Variants in ATP7B observed in about 807,000 individuals in gnomAD.
ATP7B encodes copper-transporting ATPase 2.
In ATP7B, 113 loss-of-function variants were observed where a neutral mutation model predicts 118.9. The observed-to-expected ratio is 0.95, with a 90% confidence interval of 0.82 to 1.11. ATP7B has a LOEUF of 1.11. Among genes scored for constraint, ATP7B ranks in the 50% most tolerant of loss-of-function variants. ATP7B has a pLI of 0.00. For missense variants in ATP7B, 1,867 were observed against 1,871.4 expected (o/e 1.00, Z 0.04); for synonymous variants, 777 against 727.4 (o/e 1.07, Z -1.10).
chr13:51,966,652 TG>T, intron 4 of ATP7B: 1 of 1,036,196 alleles, frequency 9.7e-7, no homozygotes, highest in Non-Finnish European at 1.4e-6. Context: ...TGATACAGCA[TG>T]GTTTTTTTAA....
chr13:51,966,667 A>C (rs1593758974), intron 4 of ATP7B: 3 of 1,231,244 alleles, frequency 2.4e-6, no homozygotes, highest in African/African-American at 1.5e-5. Context: ...TTTTTAAAAA[A>C]AGAACACTAC....
chr13:51,942,274 A>G, intron 15 of ATP7B, 112 bp downstream of exon 15: 1 of 1,530,382 alleles, frequency 6.5e-7, no homozygotes, highest in Non-Finnish European at 8.9e-7. Flanking sequence ...TGGGTGCCTT[A>G]GCCATGAACC....
chr13:51,945,746 G>A (rs1957604934), intron 13 of ATP7B, among the ~76,000 whole-genome samples: 1 of 152,212 alleles, frequency 6.6e-6, no homozygotes, highest in Non-Finnish European at 1.5e-5. Flanking sequence ...ACCCAGTGCA[G>A]GGCTCACACG....
intron 9 of ATP7B, 73 bp from the exon 10 acceptor site, chr13:51,950,472 AC>A (rs1957929321): frequency 6.3e-7 from 1 of 1,595,418 alleles, no homozygotes; most frequent in Admixed American, 1.7e-5. Flanking sequence ...GCCAGCTGTT[AC>A]AATAGTTACA....
intron 1 of ATP7B, among the ~76,000 whole-genome samples, chr13:51,991,073 C>T (rs533282880): frequency 6.6e-6 from 1 of 151,228 alleles, no homozygotes; most frequent in Non-Finnish European, 1.5e-5. Flanking sequence ...GGCGACGGAG[C>T]GAGACTCTGT....
Position 51,958,364 on chromosome 13 carries a change from G to C in ATP7B, c.2302C>G (p.Pro768Ala). The change falls in exon 8 of 21, where the codon CCC (proline) becomes GCC (alanine). Residue 768 changes from proline to alanine, a missense_variant. Physicochemically the swap from Pro to Ala is conservative, Grantham distance 27. Coordinates refer to ENST00000242839, the MANE Select transcript of ATP7B (RefSeq NM_000053.4). ...AGGGCAATGAACACAAAGAGCATGGGGGGCGTGTCGAAGAATGTCACAGGG... is the reference window on the plus strand; with the variant it reads ...AGGGCAATGAACACAAAGAGCATGGCGGGCGTGTCGAAGAATGTCACAGGG... ...RSPVTFFDTP[P>A]MLFVFIALGR... 1 of 1,614,220 alleles carries C rather than the reference G, an allele frequency of 6.2e-7. No homozygotes were observed. The highest frequency in any genetic ancestry group is 8.5e-7 in the Non-Finnish European group (1 of 1,180,040).
Position 51,956,260 on chromosome 13 carries a change from C to T in ATP7B, c.2447+1256G>A, listed in dbSNP as rs1296110067. On this transcript the variant is annotated intron_variant, in intron 9 of 20. Coordinates refer to ENST00000242839, the MANE Select transcript of ATP7B (RefSeq NM_000053.4). ...GGTCAGTTCCTCTACTCACCTGGGG[C>T]GTGCCCAGGGCCAGCTGCACCAGCC... is the stretch of plus-strand genomic sequence containing the variant. 3.3e-5 allele frequency among the ~76,000 whole-genome samples: 5 copies of T among 152,044 alleles called. No individual in the cohort carries two copies. In the South Asian group the frequency reaches 8.3e-4, roughly 25 times the overall value.
chr13:51,996,159 T>C (rs1953196198), intron 1 of ATP7B, among the ~76,000 whole-genome samples: 1 of 152,218 alleles, frequency 6.6e-6, no homozygotes, highest in Non-Finnish European at 1.5e-5. Flanking sequence ...AAGTTCCATG[T>C]TTCCTGTAGC....
Position 51,974,925 on chromosome 13 carries a change from T to C in ATP7B, c.295A>G (p.Thr99Ala). ...ACAACCGATGGCACATATTTCACAG[T>C]GGCACTGCCTTGTTCCAGGGAAACC... Reference protein sequence around the residue: ...MKVSLEQGSATVKYVPSVVCL... With the variant: ...MKVSLEQGSAAVKYVPSVVCL... The change falls in exon 2 of 21, where the codon ACT (threonine) becomes GCT (alanine). Residue 99 changes from threonine to alanine, a missense_variant. By Grantham distance (58) the Thr-to-Ala change is moderately conservative. Coordinates refer to ENST00000242839, the MANE Select transcript of ATP7B (RefSeq NM_000053.4). The C allele has an allele frequency of 1.2e-6, 2 of 1,614,230 alleles. No homozygotes were observed. Among genetic ancestry groups the C allele is most frequent in the Non-Finnish European group, 1.7e-6 (2 of 1,180,036 alleles).
intron 5 of ATP7B, among the ~76,000 whole-genome samples, chr13:51,964,124 C>A (rs1958939114): frequency 6.6e-6 from 1 of 152,044 alleles, no homozygotes; most frequent in Non-Finnish European, 1.5e-5. Context: ...CACACACACA[C>A]ACACACACAC....
chr13:51,941,278 A>G (rs1374234229), intron 15 of ATP7B, 54 bp from the exon 16 acceptor site: 4 of 1,598,946 alleles, frequency 2.5e-6, no homozygotes, highest in South Asian at 1.1e-5. Flanking sequence ...ACTGTGAACT[A>G]AAAACCATGC....
rs1956806804 is a variant in ATP7B at position 51,933,592 on chromosome 13, C to T, written c.*1164G>A. 1 of 152,202 alleles carries T rather than the reference C, an allele frequency of 6.6e-6. No individual in the cohort carries two copies. The highest frequency in any genetic ancestry group is 2.4e-5 in the African/African-American group (1 of 41,450). The allele number at this position is 152,202 out of a possible 1,614,324, so 9.4% of individuals were successfully genotyped here. ...AGCCACTGCCAGGTAAACAGATGCT[C>T]CCTTCGGGGTGCTGTGGCCACTCCT... On this transcript the variant is annotated 3_prime_UTR_variant, in exon 21 of 21. Transcript: ENST00000242839.
At chr13:51,938,902 TG>T in intron 17 of ATP7B, 148 bp downstream of exon 17, 1 of 1,303,070 alleles carries the variant, frequency 7.7e-7, no homozygotes, top group Non-Finnish European at 1.1e-6. Context: ...CAACACTACA[TG>T]GCCACAGAAT....
intron 8 of ATP7B, chr13:51,957,823 C>G: frequency 1.7e-6 from 1 of 584,404 alleles, no homozygotes. Flanking sequence ...CCACTAAAGT[C>G]CGGGAATTAC....
Position 51,950,167 on chromosome 13 carries a change from C to T in ATP7B, c.2576-6G>A, listed in dbSNP as rs755819821. The T allele has an allele frequency of 3.1e-5, 50 of 1,614,004 alleles. No homozygotes were observed. The highest frequency in any genetic ancestry group is 2.1e-4 in the South Asian group (19 of 91,078). ...AGTGACTGGCATGGCTTCTCCTAGA[C>T]GTAGGAAAGAGACAACTGTCACTTG... On this transcript the variant is annotated splice_polypyrimidine_tract_variant and splice_region_variant and intron_variant, in intron 10 of 20. Coordinates refer to ENST00000242839, the MANE Select transcript of ATP7B (RefSeq NM_000053.4).
rs770693866 is a variant in ATP7B, at chr13:51,946,301, G to C, written c.3043C>G (p.Leu1015Val). Reference sequence around the variant, plus strand: ...AGGCTGACCTTGTGCGCCATCTCCAGGGGCTTGCCTCCCTTGATGAGGATG... The same window carrying C: ...AGGCTGACCTTGTGCGCCATCTCCACGGGCTTGCCTCCCTTGATGAGGATG... ...NGILIKGGKP[L>V]EMAHKIKTVM... Residue 1015 changes from leucine (L) to valine (V), a missense_variant, in exon 13 of 21, where the codon CTG becomes GTG. By Grantham distance (32) the Leu-to-Val change is conservative (BLOSUM62 1). Coordinates refer to ENST00000242839, the MANE Select transcript of ATP7B (RefSeq NM_000053.4). The C allele has an allele frequency of 1.1e-5, 18 of 1,594,198 alleles. No homozygotes were observed. The highest frequency in any genetic ancestry group is 1.5e-5 in the Non-Finnish European group (18 of 1,170,674).
rs905838027 is a variant in ATP7B, at chr13:51,974,655, G to A, written c.565C>T (p.Pro189Ser). Reference protein sequence around the residue: ...SNQEAVITYQPYLIQPEDLRD... With the variant: ...SNQEAVITYQSYLIQPEDLRD... The stretch of plus-strand genomic sequence containing the variant: ...AGGTCTTCGGGCTGAATGAGATAAG[G>A]CTGATAAGTGATGACGGCCTCTTGG... Residue 189 changes from proline to serine, a missense_variant, in exon 2 of 21, where the codon CCT (proline) becomes TCT (serine). Pro to Ser is a moderately conservative substitution (Grantham distance 74). Transcript: ENST00000242839. 3 of 1,611,420 alleles carry A rather than the reference G, an allele frequency of 1.9e-6. No homozygotes were observed. In the African/African-American group the frequency reaches 4.0e-5, roughly 22 times the overall value.
intron 1 of ATP7B, among the ~76,000 whole-genome samples, chr13:51,989,726 T>TA (rs1171084430): frequency 6.6e-6 from 1 of 152,222 alleles, no homozygotes; most frequent in African/African-American, 2.4e-5. Flanking sequence ...GCTACACAGC[T>TA]TTATAATCAA....
At chr13:51,941,271 G>A in intron 15 of ATP7B, 47 bp from the exon 16 acceptor site, 3 of 1,606,506 alleles carry the variant, frequency 1.9e-6, no homozygotes, top group Non-Finnish European at 2.6e-6. Context: ...CAATTTCACT[G>A]TGAACTAAAA....
Sources: gnomAD v4.1 joint callset for allele counts (sites outside exome capture counted in the v4.1 genomes callset) on GRCh38, gnomAD v4.1.1 for gene constraint, MANE v1.5 for transcripts, NCBI Gene and HGNC (gene_info 2026-07-23, HGNC 2026-07-21) for gene names.